PRR5: variants seen among roughly 807,000 people sequenced by gnomAD.
PRR5 encodes proline-rich protein 5.
A neutral mutation model predicts 30.6 loss-of-function variants in PRR5; 25 were observed. The observed-to-expected ratio is 0.82, with a 90% CI of 0.60 to 1.14. The LOEUF is 1.14. Among genes scored for constraint, PRR5 ranks in the 50% most tolerant of loss-of-function variants. The pLI, the probability that PRR5 is intolerant of heterozygous loss-of-function variation, is 0.00. For missense variants in PRR5, 600 were observed against 547.1 expected (o/e 1.10, Z -0.96); for synonymous variants, 286 against 247.1 (o/e 1.16, Z -1.48).
Position 44,736,760 on chromosome 22 carries a change from G to A in PRR5, c.692-12G>A. The A allele has an allele frequency of 6.5e-7, 1 of 1,532,854 alleles. No individual in the cohort carries two copies. Among genetic ancestry groups the A allele is most frequent in the Non-Finnish European group, 8.8e-7 (1 of 1,136,552 alleles). 95.0% of individuals were successfully genotyped at this position (1,532,854 alleles called of 1,614,324 possible). A position where few individuals can be genotyped will look rare whatever the true frequency, so the allele number is the denominator to read the frequency against. The stretch of plus-strand genomic sequence containing the variant: ...TGGCCTCTGGTGTGACAGTGCCCGT[G>A]TCTCTCCCCAGAAAAGCGCCTCCTC... On this transcript the variant is annotated splice_polypyrimidine_tract_variant and intron_variant, in intron 7 of 7. Transcript: ENST00000336985.
At chr22:44,675,082 A>C (rs942740763), upstream of PRR5, among the ~76,000 whole-genome samples, 1 of 147,662 alleles carries the variant, frequency 6.8e-6, no homozygotes, top group African/African-American at 2.5e-5. Flanking sequence ...CCCCTTCTCT[A>C]CTAAAAATAC....
chr22:44,737,182 G>T lies in PRR5; in HGVS notation c.1102G>T (p.Gly368Cys). 1.2e-6 allele frequency: 2 copies of T among 1,612,378 alleles called. No individual in the cohort carries two copies. Among genetic ancestry groups the T allele is most frequent in the Non-Finnish European group, 1.7e-6 (2 of 1,179,712 alleles). Residue 368 changes from glycine (G) to cysteine (C), a missense_variant, in exon 8 of 8, where the codon GGC becomes TGC. Gly to Cys is a radical substitution (Grantham distance 159, BLOSUM62 -3). Coordinates refer to ENST00000336985, the MANE Select transcript of PRR5 (RefSeq NM_181333.4). The stretch of plus-strand genomic sequence containing the variant: ...TTCTGAAGGGATTTTCATTGACTTT[G>T]GCCGGGGCCGGGGCTCTGGCATGTC... The part of the protein sequence containing the change: ...SDSEGIFIDF[G>C]RGRGSGMSDL...
chr22:44,726,777 T>C, intron 4 of PRR5, 143 bp downstream of exon 4: 1 of 1,300,118 alleles, frequency 7.7e-7, no homozygotes, highest in East Asian at 2.5e-5. Flanking sequence ...CGTATAGCCT[T>C]AGGGCAGCAG....
intron 7 of PRR5, among the ~76,000 whole-genome samples, chr22:44,735,705 G>A (rs994336689): frequency 6.6e-6 from 1 of 152,160 alleles, no homozygotes; most frequent in Non-Finnish European, 1.5e-5. Flanking sequence ...CCTCCCGCGG[G>A]GGAGGCCGAC....
intron 2 of PRR5, among the ~76,000 whole-genome samples, chr22:44,721,093 A>AC (rs1929865849): frequency 1.3e-5 from 2 of 152,062 alleles, no homozygotes; most frequent in Admixed American, 1.3e-4. Flanking sequence ...ATCCCAGTTG[A>AC]CCCCCGGGAC....
At chr22:44,733,615 T>G (rs1165274813) in intron 6 of PRR5, among the ~76,000 whole-genome samples, 1 of 152,134 alleles carries the variant, frequency 6.6e-6, no homozygotes, top group Non-Finnish European at 1.5e-5. Context: ...CTGTGTCAGC[T>G]TCAGCTTCCC....
At chr22:44,704,925 G>A (rs1286495529) in intron 1 of PRR5, among the ~76,000 whole-genome samples, 1 of 152,228 alleles carries the variant, frequency 6.6e-6, no homozygotes, top group Non-Finnish European at 1.5e-5. Context: ...TCTGGTCCCT[G>A]TCTGCATGCT....
intron 1 of PRR5, among the ~76,000 whole-genome samples, chr22:44,683,976 G>A (rs986403742): frequency 6.6e-6 from 1 of 152,254 alleles, no homozygotes; most frequent in Non-Finnish European, 1.5e-5. Flanking sequence ...CCCTCGCAGG[G>A]GTTGGTTTCA....
At chr22:44,701,643 C>T (rs1221974744), upstream of PRR5, among the ~76,000 whole-genome samples, 1 of 152,164 alleles carries the variant, frequency 6.6e-6, no homozygotes, top group African/African-American at 2.4e-5. Flanking sequence ...CTTCTTCAAG[C>T]CCTCACTCCA....
intron 3 of PRR5, 133 bp downstream of exon 3, chr22:44,725,425 C>A: frequency 8.3e-7 from 1 of 1,202,094 alleles, no homozygotes; most frequent in Non-Finnish European, 1.2e-6. Context: ...GGACCTGCCT[C>A]GTTCCTTATC....
chr22:44,733,496 AG>A (rs1243661582), intron 6 of PRR5, among the ~76,000 whole-genome samples: 1 of 152,186 alleles, frequency 6.6e-6, no homozygotes, highest in Non-Finnish European at 1.5e-5. Flanking sequence ...AGAGCAAGGA[AG>A]GGGCGGCCAG....
chr22:44,731,807 T>G lies in PRR5; in HGVS notation c.400T>G (p.Phe134Val), dbSNP rs770362466. The part of the protein sequence containing the change: ...SDVLPMLQAI[F>V]YPVQGKEPSV... Reference sequence around the variant, plus strand: ...CGTGCTGCCCATGCTGCAGGCCATCTTCTACCCGGTGCAGGTGGGCAGCCC... The same window carrying G: ...CGTGCTGCCCATGCTGCAGGCCATCGTCTACCCGGTGCAGGTGGGCAGCCC... The change falls in exon 5 of 8, where the codon TTC (phenylalanine) becomes GTC (valine). Residue 134 changes from phenylalanine (F) to valine (V), a missense_variant. By Grantham distance (50) the Phe-to-Val change is conservative. Transcript: ENST00000336985. 1.2e-6 allele frequency: 2 copies of G among 1,613,224 alleles called. No homozygotes were observed. The highest frequency in any genetic ancestry group is 4.5e-5 in the East Asian group (2 of 44,888).
intron 1 of PRR5, among the ~76,000 whole-genome samples, chr22:44,696,861 C>G (rs1925801178): frequency 6.6e-6 from 1 of 152,106 alleles, no homozygotes; most frequent in Non-Finnish European, 1.5e-5. Flanking sequence ...CTCAGCCTCC[C>G]TAGTAGCTGG....
intron 1 of PRR5, among the ~76,000 whole-genome samples, chr22:44,705,268 T>G (rs945961309): frequency 3.9e-5 from 6 of 152,096 alleles, no homozygotes; most frequent in African/African-American, 1.4e-4. Context: ...CACTCCAATA[T>G]GTACCTCCCC....
chr22:44,691,342 AGAG>A lies in PRR5; in HGVS notation c.-10-11145_-10-11143del, dbSNP rs1386741391. 1.3e-5 allele frequency among the ~76,000 whole-genome samples: 2 copies of A among 152,032 alleles called. No individual in the cohort carries two copies. Among genetic ancestry groups the A allele is most frequent in the Admixed American group, 1.3e-4 (2 of 15,278 alleles). On this transcript the variant is annotated intron_variant, in intron 1 of 8. Coordinates refer to the PRR5 transcript ENST00000006251. This position sits in a 1 kb window ranked among gnomAD's most constrained non-coding sequence, Gnocchi z 4.4. ...CTCCATGTCCACCTCGGTGGCACGG[AGAG>A]GAGGCTACCCAGCTGGAGGGGTTGT...
At chr22:44,735,862 C>G (rs562648731) in intron 7 of PRR5, among the ~76,000 whole-genome samples, 1 of 152,194 alleles carries the variant, frequency 6.6e-6, no homozygotes, top group East Asian at 1.9e-4. Flanking sequence ...TAAAACCTGC[C>G]CACTGGTGTG....
intron 2 of PRR5, among the ~76,000 whole-genome samples, chr22:44,722,054 G>A (rs962559005): frequency 1.3e-5 from 2 of 152,196 alleles, no homozygotes; most frequent in Admixed American, 1.3e-4. Flanking sequence ...GTGGGAGAAG[G>A]TTGGGGGGAC....
upstream of PRR5, among the ~76,000 whole-genome samples, chr22:44,699,622 G>A (rs907307951): frequency 1.3e-5 from 2 of 152,226 alleles, no homozygotes; most frequent in Non-Finnish European, 2.9e-5. Flanking sequence ...TAGGCACGGG[G>A]ACTGTAGCAG....
chr22:44,702,618 C>T lies in PRR5; in HGVS notation c.134+10C>T. The T allele has an allele frequency of 7.7e-7, 1 of 1,294,250 alleles. No homozygotes were observed. The highest frequency in any genetic ancestry group is 9.8e-7 in the Non-Finnish European group (1 of 1,017,652). 80.2% of individuals were successfully genotyped at this position (1,294,250 alleles called of 1,614,324 possible). Reference sequence around the variant, plus strand: ...ACGCCACCTGGAACAGGTAAGGCCGCGCCCTCCCGGCCACCCGGAGGCCCT... The same window carrying T: ...ACGCCACCTGGAACAGGTAAGGCCGTGCCCTCCCGGCCACCCGGAGGCCCT... On this transcript the variant is annotated intron_variant, in intron 1 of 7. Transcript: ENST00000336985.
Sources: gnomAD v4.1 joint callset for allele counts (sites outside exome capture counted in the v4.1 genomes callset) on GRCh38, gnomAD v4.1.1 for gene constraint, Gnocchi (gnomAD v3.1) non-coding constraint, MANE v1.5 for transcripts, NCBI Gene and HGNC (gene_info 2026-07-23, HGNC 2026-07-21) for gene names.